DOC2A: variants seen among roughly 807,000 people sequenced by gnomAD.
DOC2A encodes the protein double C2 domain alpha.
A neutral mutation model predicts 40.6 loss-of-function variants in DOC2A; 28 were observed. The observed-to-expected ratio is 0.69, with a 90% confidence interval of 0.51 to 0.95. The LOEUF (loss-of-function observed/expected upper bound fraction) is 0.95, where lower values mean the gene tolerates loss of function less well. Among genes scored for constraint, DOC2A ranks in the 40% least tolerant of loss-of-function variants. The pLI, the probability that DOC2A is intolerant of heterozygous loss-of-function variation, is 0.00. For missense variants in DOC2A, 474 were observed against 552.5 expected (o/e 0.86, Z 1.42); for synonymous variants, 241 against 236.9 (o/e 1.02, Z -0.16).
rs761882236 is a variant in DOC2A at position 30,007,083 on chromosome 16, G to A, written c.662C>T (p.Ser221Phe). ...CAGCGCCGCTGACATGGAAGAGGGG[G>A]ACGCCAGCTGAGGGGGCAAAGAGAA... ...ICLERQVPLA[S>F]PSSMSAALRG... The change falls in exon 7 of 11, where the codon TCC (serine) becomes TTC (phenylalanine). Residue 221 changes from serine (S) to phenylalanine (F), a missense_variant. By Grantham distance (155) the Ser-to-Phe change is radical. Transcript: ENST00000350119. The A allele has an allele frequency of 5.0e-6, 8 of 1,613,948 alleles. No homozygotes were observed. The highest frequency in any genetic ancestry group is 5.9e-6 in the Non-Finnish European group (7 of 1,179,976).
chr16:30,012,282 C>CCT (rs1655103591), upstream of DOC2A: 1 of 152,214 alleles, frequency 6.6e-6, no homozygotes, highest in Non-Finnish European at 1.5e-5. Context: ...CCGCACTGCC[C>CCT]CTCAGCTCCA....
At chr16:30,015,294 T>G (rs2150962055), upstream of DOC2A, 1 of 152,304 alleles carries the variant, frequency 6.6e-6, no homozygotes, top group South Asian at 2.1e-4. Flanking sequence ...AATAATAAAT[T>G]TTGGTATTTC....
At chr16:30,013,865 C>G (rs767304426), upstream of DOC2A, among the ~76,000 whole-genome samples, 1 of 151,978 alleles carries the variant, frequency 6.6e-6, no homozygotes, top group Non-Finnish European at 1.5e-5. Context: ...CAGGGGCGCA[C>G]GCCCCACACT....
At chr16:30,008,769 G>A in intron 5 of DOC2A, 1 of 510,764 alleles carries the variant, frequency 2.0e-6, no homozygotes, top group Non-Finnish European at 3.6e-6. Flanking sequence ...GCCTCCCAAA[G>A]TGCTGGGATT....
At position 30,007,164 on chromosome 16, in the gene DOC2A, C is replaced by T. The variant is rs759800024; in HGVS notation, c.654+9G>A. 1.2e-6 allele frequency: 2 copies of T among 1,613,888 alleles called. No individual in the cohort carries two copies. The highest frequency in any genetic ancestry group is 1.3e-5 in the African/African-American group (1 of 74,940). On this transcript the variant is annotated intron_variant, in intron 6 of 10. Coordinates refer to ENST00000350119, the MANE Select transcript of DOC2A (RefSeq NM_003586.3). ...CCTCCCCTGGCGCCCCTGCAGCCCC[C>T]ACACAGACCGGGACCTGGCGCTCGA... is the stretch of plus-strand genomic sequence containing the variant.
Position 30,010,081 on chromosome 16 carries a change from C to A in DOC2A, c.142G>T (p.Gly48Cys), listed in dbSNP as rs1140239. 1 of 1,611,124 alleles carries A rather than the reference C, an allele frequency of 6.2e-7. No individual in the cohort carries two copies. The highest frequency in any genetic ancestry group is 1.1e-5 in the South Asian group (1 of 91,028). Reference sequence around the variant, plus strand: ...AGATGGGCGGGGGCCTCCCCGCCGCCCCCGCCGCCCCCTTCAGGTCCTGGT... The same window carrying A: ...AGATGGGCGGGGGCCTCCCCGCCGCACCCGCCGCCCCCTTCAGGTCCTGGT... ...RGPGPEGGGG[G>C]GGEAPAHLVP... The change falls in exon 2 of 11, where the codon GGC becomes TGC. Residue 48 changes from glycine to cysteine, a missense_variant. By Grantham distance (159) the Gly-to-Cys change is radical. Coordinates refer to ENST00000350119, the MANE Select transcript of DOC2A (RefSeq NM_003586.3). The surrounding 1 kb of genome is among the most constrained non-coding windows in gnomAD (Gnocchi z 4.2).
At chr16:30,018,531 A>T (rs538165583) in intron 1 of DOC2A, 4 of 152,322 alleles carry the variant, frequency 2.6e-5, no homozygotes, top group African/African-American at 9.6e-5. Flanking sequence ...ATAAGGAAGC[A>T]GGATGATTCC....
In DOC2A at chr16:30,007,349, C is replaced by G. The variant is rs772626075; in HGVS notation, c.528-50G>C. 6.8e-6 allele frequency: 11 copies of G among 1,612,540 alleles called. No individual in the cohort carries two copies. In the Admixed American group the frequency reaches 1.7e-4, roughly 24 times the overall value. On this transcript the variant is annotated intron_variant, in intron 5 of 10. Coordinates refer to ENST00000350119, the MANE Select transcript of DOC2A (RefSeq NM_003586.3). ...GCCCCTGGGGTACCTGAGCCCCGTT[C>G]CGGGGTGTAGGAAGGGCCTTGGACC... is the stretch of plus-strand genomic sequence containing the variant.
chr16:30,007,439 G>A, intron 5 of DOC2A, 140 bp from the exon 6 acceptor site: 1 of 1,236,334 alleles, frequency 8.1e-7, no homozygotes, highest in Non-Finnish European at 1.2e-6. Flanking sequence ...AGAAGGACAA[G>A]CAGATTTGCC....
At chr16:30,007,324 G>GTA in intron 5 of DOC2A, 25 bp from the exon 6 acceptor site, 2 of 1,613,428 alleles carry the variant, frequency 1.2e-6, no homozygotes, top group South Asian at 2.2e-5. Context: ...CAGTGTCAGG[G>GTA]CCCCTGGGGT....
At position 30,006,404 on chromosome 16, in the gene DOC2A, C is replaced by G; in HGVS notation, c.1057+9G>C. On this transcript the variant is annotated intron_variant, in intron 10 of 10. Transcript: ENST00000350119. The surrounding 1 kb of genome is among the most constrained non-coding windows in gnomAD (Gnocchi z 6.2). ...CGCCCTCAACACCCGCAGCCAGCTCCTCCCTCACCAATGAAGTCATTGGAT... is the reference window on the plus strand; with the variant it reads ...CGCCCTCAACACCCGCAGCCAGCTCGTCCCTCACCAATGAAGTCATTGGAT... 1 of 1,613,780 alleles carries G rather than the reference C, an allele frequency of 6.2e-7. No individual in the cohort carries two copies. The highest frequency in any genetic ancestry group is 1.1e-5 in the South Asian group (1 of 91,060).
chr16:30,010,235 G>T lies in DOC2A; in HGVS notation c.-13C>A, dbSNP rs1254491244. ...TGCGGCCCCTCATGCAGCACCCCTG[G>T]CTAGGAGAGGGCGTGTGAGCCAGTG... On this transcript the variant is annotated splice_region_variant and 5_prime_UTR_variant, in exon 2 of 11. Transcript: ENST00000350119. The surrounding 1 kb of genome is among the most constrained non-coding windows in gnomAD (Gnocchi z 4.2). 6.2e-7 allele frequency: 1 copy of T among 1,613,224 alleles called. No homozygotes were observed.
rs1453991922 is a variant in DOC2A at position 30,009,531 on chromosome 16, GGTCAAACTCCAGCGT to G, written c.274_288del (p.Thr92_Asp96del). On this transcript the variant is annotated inframe_deletion, in exon 3 of 11. Transcript: ENST00000350119. This position sits in a 1 kb window ranked among gnomAD's most constrained non-coding sequence, Gnocchi z 4.1. ...GTGCAGGAGGCCCGGTCGTAGAGAA[GGTCAAACTCCAGCGT>G]GCCTAGGGCGGCTGGAGAGAGAGGA... 6.4e-7 allele frequency: 1 copy of G among 1,551,506 alleles called. No homozygotes were observed. Among genetic ancestry groups the G allele is most frequent in the African/African-American group, 1.4e-5 (1 of 73,152 alleles).
In DOC2A at chr16:30,010,323, C is replaced by T. The variant is rs2070745717; in HGVS notation, c.-13-88G>A. 6.5e-7 allele frequency: 1 copy of T among 1,546,522 alleles called. No homozygotes were observed. The highest frequency in any genetic ancestry group is 8.8e-7 in the Non-Finnish European group (1 of 1,132,332). ...CGACGGCCTCCTCGGTCTGTGGGGC[C>T]CTCACTGGCCTCCCTTCCTAGGTGT... On this transcript the variant is annotated intron_variant, in intron 1 of 10. Coordinates refer to ENST00000350119, the MANE Select transcript of DOC2A (RefSeq NM_003586.3). This position sits in a 1 kb window ranked among gnomAD's most constrained non-coding sequence, Gnocchi z 4.2.
At position 30,009,208 on chromosome 16, in the gene DOC2A, G is replaced by T; in HGVS notation, c.411C>A (p.Ala137=). The change falls in exon 4 of 11, where the codon GCC becomes GCA. Residue 137 remains alanine, a synonymous_variant. Coordinates refer to ENST00000350119, the MANE Select transcript of DOC2A (RefSeq NM_003586.3). This position sits in a 1 kb window ranked among gnomAD's most constrained non-coding sequence, Gnocchi z 4.1. The part of the protein sequence containing the change: ...PYVKLHLLPG[A]CKANKLKTKT... ...GGCGAGAGGAGGCTGTTACCTTACA[G>T]GCTCCAGGCAGCAAGTGCAGCTTGA... is the stretch of plus-strand genomic sequence containing the variant. The T allele has an allele frequency of 6.3e-7, 1 of 1,594,440 alleles. No homozygotes were observed.
upstream of DOC2A, chr16:30,011,320 G>C: frequency 1.0e-6 from 1 of 984,282 alleles, no homozygotes; most frequent in Non-Finnish European, 1.2e-6. Context: ...GCGCGCGCTG[G>C]CACACTTACC....
upstream of DOC2A, chr16:30,011,517 T>C: frequency 1.6e-6 from 1 of 619,672 alleles, no homozygotes; most frequent in Non-Finnish European, 2.0e-6. Context: ...ACCGGCCTCG[T>C]TGTCATGGCG....
In DOC2A at chr16:30,009,003, C is replaced by A; in HGVS notation, c.520G>T (p.Val174Leu). Residue 174 changes from valine to leucine, a missense_variant, in exon 5 of 11, where the codon GTG becomes TTG. Transcript: ENST00000350119. The surrounding 1 kb of genome is among the most constrained non-coding windows in gnomAD (Gnocchi z 4.1). ...GGGGAGGGGGGCCCTCACCTGAGCA[C>A]CTTGTGCGTGATGTCGTCATCTGTG... The part of the protein sequence containing the change: ...GITDDDITHK[V>L]LRIAVCDEDK... The A allele has an allele frequency of 6.2e-7, 1 of 1,612,834 alleles. No individual in the cohort carries two copies. The highest frequency in any genetic ancestry group is 8.5e-7 in the Non-Finnish European group (1 of 1,179,232).
chr16:30,018,418 T>C (rs2070878764), intron 1 of DOC2A, among the ~76,000 whole-genome samples: 1 of 152,150 alleles, frequency 6.6e-6, no homozygotes, highest in East Asian at 1.9e-4. Context: ...ACTCCTGGCC[T>C]CCAGTGATCC....
Sources: allele counts gnomAD v4.1 joint callset (sites outside exome capture counted in the v4.1 genomes callset), GRCh38; gene constraint gnomAD v4.1.1; non-coding constraint Gnocchi (gnomAD v3.1); transcripts MANE v1.5; gene names NCBI Gene and HGNC (gene_info 2026-07-23, HGNC 2026-07-21).